The following FHAD1 variants were observed in gnomAD, a reference collection of about 807,000 sequenced individuals.
The protein encoded by FHAD1 is forkhead associated phosphopeptide binding domain 1.
A neutral mutation model predicts 191.3 loss-of-function variants in FHAD1; 146 were observed. The observed-to-expected ratio is 0.76, with a 90% CI of 0.67 to 0.88. The LOEUF (loss-of-function observed/expected upper bound fraction) is 0.88. Ranked by LOEUF, FHAD1 falls within the 40% of genes least tolerant of loss-of-function variation. The pLI is 0.00. For missense variants in FHAD1, 1,635 were observed against 1,785.8 expected (o/e 0.92, Z 1.52); for synonymous variants, 616 against 672.3 (o/e 0.92, Z 1.29).
Position 15,358,248 on chromosome 1 carries a change from A to T in FHAD1, c.2701A>T (p.Thr901Ser). 1 of 1,531,774 alleles carries T rather than the reference A, an allele frequency of 6.5e-7. No individual in the cohort carries two copies. Among genetic ancestry groups the T allele is most frequent in the Non-Finnish European group, 8.8e-7 (1 of 1,142,722 alleles). The allele number at this position is 1,531,774 out of a possible 1,614,324, so 94.9% of individuals were successfully genotyped here. ...AESLALKLNETLAELETTKTK... is the reference protein window; with the variant it reads ...AESLALKLNESLAELETTKTK... ...GAGCCTCGCCTTGAAATTAAATGAAACATTAGCCGAACTGGAAACTACCAA... is the reference window on the plus strand; with the variant it reads ...GAGCCTCGCCTTGAAATTAAATGAATCATTAGCCGAACTGGAAACTACCAA... Residue 901 changes from threonine (T) to serine (S), a missense_variant, in exon 21 of 34, where the codon ACA becomes TCA. Transcript: ENST00000688493.
chr1:15,328,341 T>G lies in FHAD1; in HGVS notation c.1622T>G (p.Leu541Arg). 1 of 1,545,812 alleles carries G rather than the reference T, an allele frequency of 6.5e-7. No individual in the cohort carries two copies. Residue 541 changes from leucine (L) to arginine (R), a missense_variant, in exon 13 of 34, where the codon CTC becomes CGC. Leu to Arg is a moderately radical substitution (Grantham distance 102). Transcript: ENST00000688493. ...AATTTTCAGCAGAAAAAGTGGACCC[T>G]CCAGAAAGAGACCCAGCTGAGCAAC... ...NINFQQKKWT[L>R]QKETQLSNSK...
intron 1 of FHAD1, among the ~76,000 whole-genome samples, chr1:15,249,379 A>G (rs1390669784): frequency 6.6e-6 from 1 of 151,970 alleles, no homozygotes; most frequent in Non-Finnish European, 1.5e-5. Flanking sequence ...ACATTTCTCG[A>G]AAGTTGACTT....
Position 15,290,695 on chromosome 1 carries a change from T to C in FHAD1, c.568+1029T>C, listed in dbSNP as rs111637094. On this transcript the variant is annotated intron_variant, in intron 4 of 33. Transcript: ENST00000688493. Reference sequence around the variant, plus strand: ...TTTCCCCCAACATTTTAATATGAACTTTTTTTTTTTTTTTTGGACGGAGTC... The same window carrying C: ...TTTCCCCCAACATTTTAATATGAACCTTTTTTTTTTTTTTTGGACGGAGTC... Among the ~76,000 whole-genome samples, 281 of 68,860 alleles carry C rather than the reference T, an allele frequency of 4.1e-3. 1 individual carries two copies. Among genetic ancestry groups the C allele is most frequent in the African/African-American group, 0.01 (258 of 25,270 alleles). 45.2% of individuals were successfully genotyped at this position (68,860 alleles called of 152,430 possible).
At chr1:15,366,725 G>T (rs1420965662) in intron 24 of FHAD1, among the ~76,000 whole-genome samples, 2 of 152,176 alleles carry the variant, frequency 1.3e-5, no homozygotes, top group African/African-American at 2.4e-5. Context: ...GTGGCCCCTA[G>T]AGTAGGGGCA....
chr1:15,392,847 G>A (rs1704558228), intron 33 of FHAD1, among the ~76,000 whole-genome samples: 1 of 151,994 alleles, frequency 6.6e-6, no homozygotes. Flanking sequence ...ATGCTATAAA[G>A]GAAAATCTTC....
chr1:15,362,190 G>A (rs1275793656), intron 22 of FHAD1, among the ~76,000 whole-genome samples: 4 of 152,212 alleles, frequency 2.6e-5, no homozygotes, highest in Non-Finnish European at 5.9e-5. Flanking sequence ...AACACGTGAG[G>A]ATAAACAAGT....
chr1:15,355,915 A>C (rs1692597080), intron 20 of FHAD1, among the ~76,000 whole-genome samples: 1 of 147,590 alleles, frequency 6.8e-6, no homozygotes, highest in African/African-American at 2.5e-5. Flanking sequence ...ATAAAAAAAA[A>C]CCTGTCATTC....
intron 3 of FHAD1, among the ~76,000 whole-genome samples, chr1:15,284,552 CT>C (rs201461581): frequency 0.043 from 6,609 of 152,114 alleles, 175 homozygotes; most frequent in Non-Finnish European, 0.07. Context: ...ACTTCCCCAC[CT>C]TGTCCACAGC....
intron 28 of FHAD1, among the ~76,000 whole-genome samples, chr1:15,376,100 TA>T (rs1337766380): frequency 3.3e-4 from 46 of 138,092 alleles, no homozygotes; most frequent in African/African-American, 1.3e-3. Flanking sequence ...TTTTTTTATT[TA>T]TTTTTTGAGA....
In FHAD1 at chr1:15,349,043, T is replaced by A. The variant is rs1569969051; in HGVS notation, c.2348T>A (p.Val783Asp). 2 of 1,542,050 alleles carry A rather than the reference T, an allele frequency of 1.3e-6. No homozygotes were observed. Among genetic ancestry groups the A allele is most frequent in the East Asian group, 2.5e-5 (1 of 40,438 alleles). The change falls in exon 19 of 34, where the codon GTT becomes GAT. Residue 783 changes from valine to aspartate, a missense_variant and splice_region_variant. Coordinates refer to ENST00000688493, the MANE Select transcript of FHAD1 (RefSeq NM_001391957.1). ...LEERLARQKEVLESSIAHEKR... is the reference protein window; with the variant it reads ...LEERLARQKEDLESSIAHEKR... ...AGAGCACTGGTCGTTGATTTTCAGGTTTTGGAGAGCAGCATAGCCCATGAA... is the reference window on the plus strand; with the variant it reads ...AGAGCACTGGTCGTTGATTTTCAGGATTTGGAGAGCAGCATAGCCCATGAA...
Position 15,361,834 on chromosome 1 carries a change from G to A in FHAD1, c.2963-808G>A, listed in dbSNP as rs144208319. Among the ~76,000 whole-genome samples, 495 of 152,000 alleles carry A rather than the reference G, an allele frequency of 3.3e-3. 4 individuals are homozygous for A. The highest frequency in any genetic ancestry group is 0.011 in the African/African-American group (447 of 41,456). On this transcript the variant is annotated intron_variant, in intron 22 of 33. Transcript: ENST00000688493. ...ATCCTGGCCAACATGGTGAAACCCC[G>A]TCTCTACTAAAAATACAAAAATTAG...
intron 16 of FHAD1, among the ~76,000 whole-genome samples, chr1:15,342,280 GA>G (rs1687023919): frequency 6.6e-6 from 1 of 152,148 alleles, no homozygotes; most frequent in Non-Finnish European, 1.5e-5. Context: ...CATATCGGGG[GA>G]AACAAATGGT....
intron 22 of FHAD1, among the ~76,000 whole-genome samples, chr1:15,361,934 G>A (rs1694940028): frequency 6.6e-6 from 1 of 151,840 alleles, no homozygotes; most frequent in South Asian, 2.1e-4. Context: ...AACCCGGGAG[G>A]CGGAGCTTGC....
chr1:15,345,914 T>A (rs1688752719), intron 18 of FHAD1, among the ~76,000 whole-genome samples: 1 of 152,036 alleles, frequency 6.6e-6, no homozygotes, highest in Non-Finnish European at 1.5e-5. Context: ...GCACCACCAC[T>A]AAGGAATGTT....
intron 5 of FHAD1, among the ~76,000 whole-genome samples, chr1:15,298,597 C>G (rs1398374475): frequency 6.6e-6 from 1 of 152,172 alleles, no homozygotes; most frequent in Non-Finnish European, 1.5e-5. Context: ...TGTACAGCCT[C>G]TTAAGAACTT....
At chr1:15,337,904 C>T (rs1344349622) in intron 14 of FHAD1, among the ~76,000 whole-genome samples, 1 of 152,150 alleles carries the variant, frequency 6.6e-6, no homozygotes, top group Non-Finnish European at 1.5e-5. Context: ...GGCAGGCCTG[C>T]GTCTCAGAAC....
At chr1:15,314,061 AAAT>A (rs59696318) in intron 8 of FHAD1, among the ~76,000 whole-genome samples, 25,938 of 146,072 alleles carry the variant, frequency 0.18, 2,418 homozygotes, top group Middle Eastern at 0.23. Flanking sequence ...ACTCCGTCTC[AAAT>A]AATAATAATA....
chr1:15,242,464 G>A (rs2100572122), upstream of FHAD1, among the ~76,000 whole-genome samples: 1 of 152,248 alleles, frequency 6.6e-6, no homozygotes, highest in Non-Finnish European at 1.5e-5. Flanking sequence ...AGCTGAATTT[G>A]TTAACCACAT....
At chr1:15,377,325 G>T (rs981669190) in intron 28 of FHAD1, among the ~76,000 whole-genome samples, 13 of 152,152 alleles carry the variant, frequency 8.5e-5, no homozygotes, top group Non-Finnish European at 1.9e-4. Flanking sequence ...TGGAGGGACA[G>T]CCTCCAGGTT....
Sources: allele counts gnomAD v4.1 joint callset (sites outside exome capture counted in the v4.1 genomes callset), GRCh38; gene constraint gnomAD v4.1.1; transcripts MANE v1.5; gene names NCBI Gene and HGNC (gene_info 2026-07-23, HGNC 2026-07-21).